Variants in MZF1 observed in about 807,000 individuals in gnomAD.
MZF1 encodes the protein myeloid zinc finger 1.
MZF1 carries 24 observed loss-of-function variants against 28.6 expected under a neutral mutation model. The ratio of observed to expected loss-of-function variants is 0.84; its 90% CI spans 0.61 to 1.18. The LOEUF (loss-of-function observed/expected upper bound fraction) is 1.18, where lower values mean the gene tolerates loss of function less well. MZF1 is among the 50% of genes most tolerant of loss of function. The pLI is 0.00. For missense variants in MZF1, 1,166 were observed against 1,026.4 expected (o/e 1.14, Z -1.86); for synonymous variants, 516 against 432.5 (o/e 1.19, Z -2.40).
chr19:58,562,883 G>A lies in MZF1; in HGVS notation c.1394C>T (p.Pro465Leu). 1 of 1,551,384 alleles carries A rather than the reference G, an allele frequency of 6.4e-7. No homozygotes were observed. Among genetic ancestry groups the A allele is most frequent in the Non-Finnish European group, 8.7e-7 (1 of 1,155,646 alleles). ...LLQHQRIHGD[P>L]PGPGAKPPAP... ...CGGGGGCTTAGCGCCAGGGCCCGGG[G>A]GATCGCCGTGGATGCGCTGGTGCTG... Residue 465 changes from proline to leucine, a missense_variant, in exon 6 of 6, where the codon CCC becomes CTC. Transcript: ENST00000215057.
Position 58,563,023 on chromosome 19 carries a change from G to A in MZF1, c.1254C>T (p.Gly418=), listed in dbSNP as rs1042021585. Residue 418 remains glycine (G), a synonymous_variant, in exon 6 of 6, where the codon GGC becomes GGT. Coordinates refer to ENST00000215057, the MANE Select transcript of MZF1 (RefSeq NM_198055.2). ...EERPFVCGDC[G]QGFVRSARLE... is the part of the protein sequence containing the mutation. Reference sequence around the variant, plus strand: ...GGCGCGCGCTGCGCACGAAGCCCTGGCCACAGTCGCCGCACACGAACGGCC... The same window carrying A: ...GGCGCGCGCTGCGCACGAAGCCCTGACCACAGTCGCCGCACACGAACGGCC... 2.5e-6 allele frequency: 4 copies of A among 1,601,864 alleles called. No individual in the cohort carries two copies. The highest frequency in any genetic ancestry group is 2.7e-5 in the African/African-American group (2 of 74,908).
At position 58,567,070 on chromosome 19, in the gene MZF1, T is replaced by C. The variant is rs1338416388; in HGVS notation, c.772+2207A>G. On this transcript the variant is annotated intron_variant, in intron 5 of 5. Transcript: ENST00000215057. ...AGTACGTGCCACCATGCCCAGCTAG[T>C]TTTTTGTATTATTTTTTAGTAGAGA... is the stretch of plus-strand genomic sequence containing the variant. Among the ~76,000 whole-genome samples the C allele has an allele frequency of 3.9e-5, 6 of 152,172 alleles. No individual in the cohort carries two copies. In the East Asian group the frequency reaches 9.7e-4, roughly 25 times the overall value.
In MZF1 at chr19:58,570,421, T is replaced by C; in HGVS notation, c.503A>G (p.Lys168Arg). The C allele has an allele frequency of 6.2e-7, 1 of 1,613,938 alleles. No homozygotes were observed. Among genetic ancestry groups the C allele is most frequent in the Non-Finnish European group, 8.5e-7 (1 of 1,179,874 alleles). The change falls in exon 3 of 6, where the codon AAG becomes AGG. Residue 168 changes from lysine (K) to arginine (R), a missense_variant. Coordinates refer to ENST00000215057, the MANE Select transcript of MZF1 (RefSeq NM_198055.2). ...TEPPTPEPGP[K>R]TPPRTMQESP... ...TTCCTGCATAGTCCTAGGAGGTGTCTTGGGCCCAGGCTCTGGAGTTGGAGG... is the reference window on the plus strand; with the variant it reads ...TTCCTGCATAGTCCTAGGAGGTGTCCTGGGCCCAGGCTCTGGAGTTGGAGG...
chr19:58,563,306 C>T lies in MZF1; in HGVS notation c.971G>A (p.Arg324Gln), dbSNP rs369616031. 3.2e-5 allele frequency: 52 copies of T among 1,608,272 alleles called. No homozygotes were observed. The highest frequency in any genetic ancestry group is 2.5e-4 in the Admixed American group (15 of 59,346). ...EQDPTDEDPC[R>Q]GVGPALITTR... ...GGTGATCAGAGCAGGGCCCACACCC[C>T]GGCAGGGATCCTCGTCCGTGGGGTC... The change falls in exon 6 of 6, where the codon CGG becomes CAG. Residue 324 changes from arginine to glutamine, a missense_variant. Physicochemically the swap from Arg to Gln is conservative, Grantham distance 43. Coordinates refer to ENST00000215057, the MANE Select transcript of MZF1 (RefSeq NM_198055.2).
chr19:58,565,255 C>G (rs552340751), intron 5 of MZF1, among the ~76,000 whole-genome samples: 19 of 151,810 alleles, frequency 1.3e-4, no homozygotes, highest in Non-Finnish European at 2.5e-4. Context: ...CCACCACACC[C>G]GGCTAATTTT....
chr19:58,572,351 C>T (rs191603823), intron 1 of MZF1, among the ~76,000 whole-genome samples: 1,580 of 152,110 alleles, frequency 0.01, 19 homozygotes, highest in Non-Finnish European at 0.015. Flanking sequence ...CATCACACTA[C>T]GCAATGCCCC....
At chr19:58,572,605 T>TA in intron 1 of MZF1, 12 of 1,289,720 alleles carry the variant, frequency 9.3e-6, no homozygotes, top group Non-Finnish European at 1.2e-5. Context: ...AATCTGCGTT[T>TA]ATGAAGGGGA....
intron 5 of MZF1, among the ~76,000 whole-genome samples, chr19:58,566,879 A>G (rs1323761484): frequency 3.3e-5 from 5 of 151,606 alleles, no homozygotes; most frequent in Non-Finnish European, 7.4e-5. Flanking sequence ...GCTGCAAAGA[A>G]AAGGCACAGT....
chr19:58,572,690 C>T (rs2054188124), intron 1 of MZF1: 2 of 1,200,948 alleles, frequency 1.7e-6, no homozygotes, highest in Non-Finnish European at 2.2e-6. Flanking sequence ...CAAGCCTCCA[C>T]TCTTCAAGGT....
At chr19:58,572,489 G>A (rs2054183882) in intron 1 of MZF1, 5 of 1,208,708 alleles carry the variant, frequency 4.1e-6, no homozygotes, top group Non-Finnish European at 5.5e-6. Flanking sequence ...CTCTGATTCC[G>A]CCCATCTTCA....
chr19:58,563,549 G>A (rs749443917), intron 5 of MZF1, 45 bp from the exon 6 acceptor site: 27 of 1,442,644 alleles, frequency 1.9e-5, no homozygotes, highest in Non-Finnish European at 2.1e-5. Flanking sequence ...AATGCCCACC[G>A]TGCCGGGACC....
chr19:58,562,654 G>T lies in MZF1; in HGVS notation c.1623C>A (p.Phe541Leu), dbSNP rs1405504379. ...HRRVHSGERP[F>L]ACAECGQSFR... is the part of the protein sequence containing the mutation. ...AGCTCTGGCCGCACTCGGCACAGGC[G>T]AAGGGCCGCTCGCCACTGTGCACGC... The change falls in exon 6 of 6, where the codon TTC becomes TTA. Residue 541 changes from phenylalanine to leucine, a missense_variant. Physicochemically the swap from Phe to Leu is conservative, Grantham distance 22 (BLOSUM62 0). Transcript: ENST00000215057. 4 of 1,548,108 alleles carry T rather than the reference G, an allele frequency of 2.6e-6. No homozygotes were observed. Among genetic ancestry groups the T allele is most frequent in the Admixed American group, 3.9e-5 (2 of 51,586 alleles).
intron 3 of MZF1, 124 bp from the exon 4 acceptor site, chr19:58,569,710 G>T (rs1600107380): frequency 2.5e-6 from 2 of 790,830 alleles, no homozygotes; most frequent in Non-Finnish European, 2.0e-6. Context: ...GGGTTGGGGA[G>T]GGCAGTGCAG....
At chr19:58,571,617 C>T (rs2054165427) in intron 1 of MZF1, 188 bp from the exon 2 acceptor site, 1 of 583,408 alleles carries the variant, frequency 1.7e-6, no homozygotes, top group Non-Finnish European at 3.0e-6. Flanking sequence ...CCACCTGTAT[C>T]CCTGGTCTTC....
At chr19:58,566,239 G>T (rs1017865724) in intron 5 of MZF1, among the ~76,000 whole-genome samples, 48 of 151,708 alleles carry the variant, frequency 3.2e-4, no homozygotes, top group African/African-American at 1.2e-3. Flanking sequence ...CTGAGGTCGG[G>T]AGTTCCAGAC....
intron 5 of MZF1, 150 bp from the exon 6 acceptor site, chr19:58,563,654 C>T (rs2053983606): frequency 4.9e-6 from 3 of 613,156 alleles, no homozygotes; most frequent in Admixed American, 3.1e-5. Context: ...GGGATTCTAT[C>T]TGTACAGACT....
intron 5 of MZF1, among the ~76,000 whole-genome samples, chr19:58,567,338 CTCTG>C (rs1429312102): frequency 6.6e-6 from 1 of 152,360 alleles, no homozygotes; most frequent in East Asian, 1.9e-4. Context: ...CTGCTGTGGG[CTCTG>C]TCTGCACAGA....
At chr19:58,569,802 G>A (rs1208462056) in intron 3 of MZF1, 2 of 542,298 alleles carry the variant, frequency 3.7e-6, no homozygotes, top group Non-Finnish European at 6.6e-6. Flanking sequence ...GGGATGAGAT[G>A]GGCTGAGGTT....
chr19:58,569,091 G>C (rs2054108774), intron 5 of MZF1, 186 bp downstream of exon 5: 1 of 669,880 alleles, frequency 1.5e-6, no homozygotes. Flanking sequence ...TGGTAGTGGT[G>C]GGTGGCTTTT....
Sources: allele counts gnomAD v4.1 joint callset (sites outside exome capture counted in the v4.1 genomes callset), GRCh38; gene constraint gnomAD v4.1.1; transcripts MANE v1.5; gene names NCBI Gene and HGNC (gene_info 2026-07-23, HGNC 2026-07-21).